Variants in WIPI2 observed in about 807,000 individuals in gnomAD.
WIPI2 encodes the protein WD repeat domain, phosphoinositide interacting 2, also known as WD repeat domain phosphoinositide-interacting protein 2.
WIPI2 carries 28 observed loss-of-function variants against 52.3 expected under a neutral mutation model. The observed-to-expected ratio is 0.54, with a 90% CI of 0.40 to 0.73. WIPI2 has a LOEUF of 0.73. Among genes scored for constraint, WIPI2 ranks in the 30% least tolerant of loss-of-function variants. The pLI is 0.00. For missense variants in WIPI2, 506 were observed against 602.9 expected (o/e 0.84, Z 1.68); for synonymous variants, 268 against 245.0 (o/e 1.09, Z -0.88).
At chr7:5,199,704 A>AG in intron 3 of WIPI2, 46 bp downstream of exon 3, 1 of 1,445,522 alleles carries the variant, frequency 6.9e-7, no homozygotes, top group South Asian at 1.3e-5. Flanking sequence ...AAAAAAAAAA[A>AG]GTTGTACTTG....
rs151015954 is a variant in WIPI2, at chr7:5,202,310, A to G, written c.211+2652A>G. ...AGTACTGGAAGATAGATTTTCTACC[A>G]TCAATGTTGTAATTTCAAACTTGAA... On this transcript the variant is annotated intron_variant, in intron 3 of 12. Transcript: ENST00000288828. 2.7e-3 allele frequency among the ~76,000 whole-genome samples: 411 copies of G among 152,346 alleles called. 3 individuals carry two copies. The highest frequency in any genetic ancestry group is 8.9e-3 in the African/African-American group (368 of 41,580).
chr7:5,192,987 G>T, intron 1 of WIPI2, 131 bp from the exon 2 acceptor site: 1 of 809,748 alleles, frequency 1.2e-6, no homozygotes. Flanking sequence ...AACTATAACT[G>T]TCCTGCCTTT....
At chr7:5,228,902 T>C (rs1783578623) in intron 11 of WIPI2, among the ~76,000 whole-genome samples, 1 of 151,636 alleles carries the variant, frequency 6.6e-6, no homozygotes, top group Admixed American at 6.6e-5. Flanking sequence ...ATTACTTTCT[T>C]GTGCAGGGTC....
intron 7 of WIPI2, chr7:5,218,779 G>C (rs777989131): frequency 2.6e-5 from 4 of 152,178 alleles, no homozygotes; most frequent in Non-Finnish European, 5.9e-5. Context: ...TTCCTCATTT[G>C]GACTGTGCCT....
At chr7:5,192,966 G>A (rs1583533000) in intron 1 of WIPI2, 152 bp from the exon 2 acceptor site, 1 of 672,794 alleles carries the variant, frequency 1.5e-6, no homozygotes, top group East Asian at 2.7e-5. Flanking sequence ...TTTTGTATTT[G>A]TTACATACCA....
rs554068623 is a variant in WIPI2 at position 5,227,735 on chromosome 7, G to A, written c.1014-369G>A. ...CTGTGGAGGTTCTGTGCTGCGTGCGGGAAAGATTGTCATTACACCCAGTGA... is the reference window on the plus strand; with the variant it reads ...CTGTGGAGGTTCTGTGCTGCGTGCGAGAAAGATTGTCATTACACCCAGTGA... On this transcript the variant is annotated intron_variant, in intron 10 of 12. Transcript: ENST00000288828. This position sits in a 1 kb window ranked among gnomAD's most constrained non-coding sequence, Gnocchi z 8.1. Among the ~76,000 whole-genome samples the A allele has an allele frequency of 6.6e-6, 1 of 152,296 alleles. No individual in the cohort carries two copies. Among genetic ancestry groups the A allele is most frequent in the South Asian group, 2.1e-4 (1 of 4,826 alleles).
intron 8 of WIPI2, 167 bp downstream of exon 8, chr7:5,222,839 T>G (rs373753558): frequency 2.8e-5 from 18 of 644,124 alleles, no homozygotes; most frequent in Non-Finnish European, 4.9e-5. Flanking sequence ...TCATGGGAAT[T>G]GAAGAGCACT....
chr7:5,197,592 CCTT>C (rs1338529183), intron 2 of WIPI2, among the ~76,000 whole-genome samples: 3 of 152,004 alleles, frequency 2.0e-5, no homozygotes, highest in African/African-American at 7.3e-5. Context: ...TTCTTTTTAT[CCTT>C]CTAAGATAAA....
Position 5,215,282 on chromosome 7 carries a change from G to C in WIPI2, c.381+578G>C, listed in dbSNP as rs1003057724. 2.6e-5 allele frequency among the ~76,000 whole-genome samples: 4 copies of C among 152,096 alleles called. 1 individual carries two copies. The highest frequency in any genetic ancestry group is 9.6e-5 in the African/African-American group (4 of 41,460). Reference sequence around the variant, plus strand: ...GCCAAGGTCATGTCATTGCACTCCAGCTTGGGCAACAAGAGTGAGACTTCG... The same window carrying C: ...GCCAAGGTCATGTCATTGCACTCCACCTTGGGCAACAAGAGTGAGACTTCG... On this transcript the variant is annotated intron_variant, in intron 4 of 12. Transcript: ENST00000288828.
At chr7:5,217,697 TGAAGGAACA>T (rs1174203010) in intron 6 of WIPI2, 1 of 553,518 alleles carries the variant, frequency 1.8e-6, no homozygotes, top group African/African-American at 1.9e-5. Context: ...CGGGAATGTT[TGAAGGAACA>T]TAGAAAACCT....
intron 2 of WIPI2, among the ~76,000 whole-genome samples, chr7:5,195,315 C>T (rs144785320): frequency 5.4e-4 from 79 of 146,998 alleles, no homozygotes; most frequent in Non-Finnish European, 1.0e-3. Flanking sequence ...AGGGAGACCT[C>T]GACTCTACAC....
chr7:5,216,725 G>A, intron 5 of WIPI2, 66 bp downstream of exon 5: 1 of 1,499,048 alleles, frequency 6.7e-7, no homozygotes, highest in South Asian at 1.2e-5. Context: ...AGCTATAGGT[G>A]AGAGAGATTT....
intron 8 of WIPI2, chr7:5,222,884 C>T (rs997454164): frequency 1.8e-5 from 9 of 495,920 alleles, no homozygotes; most frequent in Admixed American, 6.6e-5. Context: ...GTTTGCGATC[C>T]CACCAGCTAG....
At chr7:5,206,321 A>G (rs1583556787) in intron 3 of WIPI2, among the ~76,000 whole-genome samples, 3 of 152,366 alleles carry the variant, frequency 2.0e-5, no homozygotes, top group Admixed American at 1.3e-4. Context: ...GGTGAATGTC[A>G]GAAGGAGCTT....
At position 5,227,062 on chromosome 7, in the gene WIPI2, C is replaced by T; in HGVS notation, c.849-118C>T. On this transcript the variant is annotated intron_variant, in intron 9 of 12. Coordinates refer to ENST00000288828, the MANE Select transcript of WIPI2 (RefSeq NM_015610.4). The surrounding 1 kb of genome is among the most constrained non-coding windows in gnomAD (Gnocchi z 8.1). ...CTTATAACCAACCCTGTTTAATTTT[C>T]CTGTGAAGAATGGAGACTTTTGCTG... 1 of 1,386,756 alleles carries T rather than the reference C, an allele frequency of 7.2e-7. No homozygotes were observed. Among genetic ancestry groups the T allele is most frequent in the Non-Finnish European group, 9.8e-7 (1 of 1,018,332 alleles). 85.9% of individuals were successfully genotyped at this position (1,386,756 alleles called of 1,614,324 possible).
At position 5,203,686 on chromosome 7, in the gene WIPI2, G is replaced by A. The variant is rs576863693; in HGVS notation, c.211+4028G>A. ...GTCGCTCTGTAGCCCAGGCTGGAGTGTAGTGGCGCAATCTTGGCTCACTGC... is the reference window on the plus strand; with the variant it reads ...GTCGCTCTGTAGCCCAGGCTGGAGTATAGTGGCGCAATCTTGGCTCACTGC... On this transcript the variant is annotated intron_variant, in intron 3 of 12. Coordinates refer to ENST00000288828, the MANE Select transcript of WIPI2 (RefSeq NM_015610.4). Among the ~76,000 whole-genome samples the A allele has an allele frequency of 3.1e-4, 41 of 132,778 alleles. No homozygotes were observed. The Admixed American group carries it at 3.4e-3, about 11-fold the overall frequency. 87.1% of individuals were successfully genotyped at this position (132,778 alleles called of 152,430 possible).
chr7:5,218,123 G>A lies in WIPI2; in HGVS notation c.669+109G>A, dbSNP rs1419063016. Reference sequence around the variant, plus strand: ...GCAAGGTCCTATACTTACCAGCTCCGGGAGAAGCAAAGACAGCCACCCACT... The same window carrying A: ...GCAAGGTCCTATACTTACCAGCTCCAGGAGAAGCAAAGACAGCCACCCACT... On this transcript the variant is annotated intron_variant, in intron 7 of 12. Coordinates refer to ENST00000288828, the MANE Select transcript of WIPI2 (RefSeq NM_015610.4). 9.2e-6 allele frequency: 11 copies of A among 1,202,076 alleles called. No homozygotes were observed. In the East Asian group the frequency reaches 1.4e-4, roughly 16 times the overall value. 74.5% of individuals were successfully genotyped at this position (1,202,076 alleles called of 1,614,324 possible).
chr7:5,221,959 T>TA (rs762243462), intron 7 of WIPI2, among the ~76,000 whole-genome samples: 132 of 102,214 alleles, frequency 1.3e-3, no homozygotes, highest in Non-Finnish European at 2.3e-3. Context: ...TTATTTTTTT[T>TA]TTTTTTCCCC....
In WIPI2 at chr7:5,233,638, T is replaced by G. The variant is rs1783833377; in HGVS notation, c.*2691T>G. The G allele has an allele frequency of 6.6e-6, 1 of 152,462 alleles. No individual in the cohort carries two copies. The highest frequency in any genetic ancestry group is 2.4e-5 in the African/African-American group (1 of 41,416). The allele number at this position is 152,462 out of a possible 1,614,324, so 9.4% of individuals were successfully genotyped here. ...CAAAAAGAACTGCTTCAGTCCCCGC[T>G]GTACCGCCTGCCTAGCTGTGGGAGC... On this transcript the variant is annotated 3_prime_UTR_variant, in exon 13 of 13. Transcript: ENST00000288828.
Sources: gnomAD v4.1 joint callset for allele counts (sites outside exome capture counted in the v4.1 genomes callset) on GRCh38, gnomAD v4.1.1 for gene constraint, Gnocchi (gnomAD v3.1) non-coding constraint, MANE v1.5 for transcripts, NCBI Gene and HGNC (gene_info 2026-07-23, HGNC 2026-07-21) for gene names.